TENM1: variants seen among roughly 807,000 people sequenced by gnomAD.
TENM1 encodes teneurin-1.
In TENM1, 35 loss-of-function variants were observed where a neutral mutation model predicts 174.8. That is an observed-to-expected ratio of 0.20 (90% CI 0.15 to 0.27). The LOEUF (loss-of-function observed/expected upper bound fraction) is 0.27. TENM1 is among the 10% of genes least tolerant of loss of function. The pLI, the probability that TENM1 is intolerant of heterozygous loss-of-function variation, is 1.00. For missense variants in TENM1, 1,633 were observed against 2,130.1 expected (o/e 0.77, Z 4.59); for synonymous variants, 781 against 798.7 (o/e 0.98, Z 0.37).
chrX:124,471,276 A>ATAT lies in TENM1; in HGVS notation c.3949+10453_3949+10455dup, dbSNP rs1556644309. The stretch of plus-strand genomic sequence containing the variant: ...TATATATTATAATATATAGTACTAT[A>ATAT]TATAATATATAGTACTATATATTAT... On this transcript the variant is annotated intron_variant, in intron 22 of 31. Coordinates refer to ENST00000422452, the Ensembl canonical transcript of TENM1. Among the ~76,000 whole-genome samples, 56 of 45,063 alleles carry ATAT rather than the reference A, an allele frequency of 1.2e-3. 1 individual carries two copies. Among genetic ancestry groups the ATAT allele is most frequent in the African/African-American group, 5.5e-3 (52 of 9,512 alleles). The allele number at this position is 45,063 out of a possible 115,157, so 39.1% of individuals were successfully genotyped here. A position where few individuals can be genotyped will look rare whatever the true frequency, so the allele number is the denominator to read the frequency against.
At chrX:124,593,565 C>T (rs1338442366) in intron 11 of TENM1, among the ~76,000 whole-genome samples, 2 of 111,442 alleles carry the variant, frequency 1.8e-5, no homozygotes, top group African/African-American at 6.5e-5. Context: ...GGGCATGGGG[C>T]AGAGAGGGCC....
intron 4 of TENM1, among the ~76,000 whole-genome samples, chrX:124,726,678 T>TC (rs1251160785): frequency 8.9e-6 from 1 of 112,089 alleles, no homozygotes; most frequent in Non-Finnish European, 1.9e-5. Context: ...AGATTTTTTT[T>TC]CTCCAGTCAT....
chrX:124,447,745 C>T (rs911046886), intron 23 of TENM1, among the ~76,000 whole-genome samples: 9 of 111,325 alleles, frequency 8.1e-5, no homozygotes, highest in African/African-American at 2.9e-4. Flanking sequence ...TTCTCTCAGC[C>T]TCCTTTGTGG....
intron 1 of TENM1, among the ~76,000 whole-genome samples, chrX:124,953,996 C>A (rs2058532180): frequency 9.0e-6 from 1 of 111,656 alleles, no homozygotes; most frequent in Non-Finnish European, 1.9e-5. Context: ...TCAGAAGCAG[C>A]AAGACCAAAG....
At chrX:125,033,452 C>T in the TENM1 span, among the ~76,000 whole-genome samples, 1 of 111,146 alleles carries the variant, frequency 9.0e-6, no homozygotes, top group Non-Finnish European at 1.9e-5. Context: ...ATCATGTTAT[C>T]CTCATTGTAT....
intron 15 of TENM1, among the ~76,000 whole-genome samples, chrX:124,536,469 T>C (rs2048208932): frequency 9.0e-6 from 1 of 111,234 alleles, no homozygotes; most frequent in Admixed American, 9.6e-5. Flanking sequence ...AAAATGCAGA[T>C]AGATTTTTAA....
At chrX:124,594,847 G>T (rs1484096189) in intron 11 of TENM1, among the ~76,000 whole-genome samples, 2 of 111,945 alleles carry the variant, frequency 1.8e-5, no homozygotes, top group Admixed American at 9.5e-5. Flanking sequence ...TCTCCATTCA[G>T]TGAGGACTTC....
At chrX:124,868,422 C>T (rs2057047354) in intron 3 of TENM1, among the ~76,000 whole-genome samples, 1 of 111,536 alleles carries the variant, frequency 9.0e-6, no homozygotes, top group South Asian at 3.8e-4. Flanking sequence ...AACTGGATAT[C>T]CATATGCAGA....
At chrX:124,400,863 T>C (rs2060391473) in intron 27 of TENM1, among the ~76,000 whole-genome samples, 1 of 112,447 alleles carries the variant, frequency 8.9e-6, no homozygotes, top group Non-Finnish European at 1.9e-5. Context: ...TGGGGACAGA[T>C]TGATGCAGCA....
At chrX:125,070,190 G>GTAATAA in the TENM1 span, among the ~76,000 whole-genome samples, 230 of 106,876 alleles carry the variant, frequency 2.2e-3, 1 homozygote, top group African/African-American at 6.9e-3. Flanking sequence ...CCGTGTCCAA[G>GTAATAA]TAATAATAAT....
chrX:125,003,841 C>T, the TENM1 span, among the ~76,000 whole-genome samples: 1 of 111,625 alleles, frequency 9.0e-6, no homozygotes, highest in African/African-American at 3.3e-5. Flanking sequence ...GAAAACTTCT[C>T]TTTCCATCCA....
intron 1 of TENM1, among the ~76,000 whole-genome samples, chrX:124,959,245 T>A (rs1396945139): frequency 9.0e-6 from 1 of 111,550 alleles, no homozygotes; most frequent in African/African-American, 3.3e-5. Context: ...TCGCCTAACA[T>A]AAGATAAGTC....
intron 3 of TENM1, among the ~76,000 whole-genome samples, chrX:124,785,140 G>A (rs1417635574): frequency 3.6e-5 from 4 of 111,423 alleles, no homozygotes; most frequent in Non-Finnish European, 5.7e-5. Flanking sequence ...ATAAAATTAG[G>A]AATAAAATGT....
rs1382975092 is a variant in TENM1 at position 124,404,287 on chromosome X, T to C, written c.5391+744A>G. 4.5e-5 allele frequency among the ~76,000 whole-genome samples: 5 copies of C among 111,199 alleles called. No individual in the cohort carries two copies. The Admixed American group carries it at 4.8e-4, about 11-fold the overall frequency. ...GGCTGATATTGAATGTTACTACATG[T>C]AGAAAGCTGGCCACATCATCCTAAC... is the stretch of plus-strand genomic sequence containing the variant. On this transcript the variant is annotated intron_variant, in intron 27 of 31. Coordinates refer to ENST00000422452, the Ensembl canonical transcript of TENM1.
At chrX:124,910,501 C>A (rs2057818829) in intron 1 of TENM1, among the ~76,000 whole-genome samples, 1 of 111,987 alleles carries the variant, frequency 8.9e-6, no homozygotes, top group Non-Finnish European at 1.9e-5. Flanking sequence ...CAGTTGACTC[C>A]ATTTGGTCCC....
At chrX:124,472,462 T>C (rs1190321367) in intron 22 of TENM1, among the ~76,000 whole-genome samples, 1 of 105,940 alleles carries the variant, frequency 9.4e-6, no homozygotes, top group Non-Finnish European at 1.9e-5. Context: ...AATGATGCTG[T>C]TGTAAGTGCC....
At chrX:124,644,257 C>T (rs1353260649) in intron 10 of TENM1, among the ~76,000 whole-genome samples, 1 of 102,700 alleles carries the variant, frequency 9.7e-6, no homozygotes, top group Non-Finnish European at 2.0e-5. Flanking sequence ...CAAAATTCTA[C>T]TATCGCTAAT....
chrX:124,868,445 G>A (rs757974310), intron 3 of TENM1, among the ~76,000 whole-genome samples: 14 of 111,610 alleles, frequency 1.3e-4, no homozygotes, highest in African/African-American at 3.9e-4. Context: ...AATGAAACTA[G>A]ACCCCTATAT....
chrX:124,480,131 A>T (rs1186432047), intron 22 of TENM1, among the ~76,000 whole-genome samples: 2 of 111,612 alleles, frequency 1.8e-5, no homozygotes, highest in African/African-American at 6.5e-5. Flanking sequence ...GTTGGTGGGG[A>T]AGTGGGGAAG....
Sources: gnomAD v4.1 joint callset for allele counts (sites outside exome capture counted in the v4.1 genomes callset) on GRCh38, gnomAD v4.1.1 for gene constraint, MANE v1.5 for transcripts, NCBI Gene and HGNC (gene_info 2026-07-23, HGNC 2026-07-21) for gene names.